The following SPTBN1 variants were observed in gnomAD, a reference collection of about 807,000 sequenced individuals.
SPTBN1 encodes the protein spectrin beta, non-erythrocytic 1, also known as spectrin beta chain, non-erythrocytic 1.
Under a neutral mutation model 266.4 loss-of-function variants are expected in SPTBN1, and 32 were observed. The ratio of observed to expected loss-of-function variants is 0.12; its 90% CI spans 0.09 to 0.16. The LOEUF (loss-of-function observed/expected upper bound fraction) is 0.16, where lower values mean the gene tolerates loss of function less well. SPTBN1 is among the 10% of genes least tolerant of loss of function. The pLI, the probability that SPTBN1 is intolerant of heterozygous loss-of-function variation, is 1.00. For synonymous variants in SPTBN1, 1,336 were observed against 1,162.2 expected, an observed-to-expected ratio of 1.15 and a Z score of -3.04; for missense variants, 2,296 against 3,067.1, an observed-to-expected ratio of 0.75 and a Z score of 5.94.
rs117785604 is a variant in SPTBN1, at chr2:54,471,055, C to T, written c.-48+14537C>T. 2.9e-3 allele frequency among the ~76,000 whole-genome samples: 444 copies of T among 152,256 alleles called. 23 individuals are homozygous for T. In the East Asian group the frequency reaches 0.081, roughly 28 times the overall value. ...GGCCCAGGGAAGCCAAAAGATTAGA[C>T]ACCCCTGCTTTAGAATGTACTCAAT... On this transcript the variant is annotated intron_variant, in intron 1 of 35. Coordinates refer to ENST00000356805, the MANE Select transcript of SPTBN1 (RefSeq NM_003128.3).
chr2:54,476,181 T>C (rs1466394506), intron 1 of SPTBN1, among the ~76,000 whole-genome samples: 1 of 152,110 alleles, frequency 6.6e-6, no homozygotes, highest in Admixed American at 6.6e-5. Context: ...GGTGGCAGGG[T>C]GCTCTGTGCC....
chr2:54,468,693 T>G (rs1693766804), intron 1 of SPTBN1, among the ~76,000 whole-genome samples: 1 of 152,244 alleles, frequency 6.6e-6, no homozygotes, highest in African/African-American at 2.4e-5. Context: ...GCTGTTTCTC[T>G]TTTATGAATA....
intron 1 of SPTBN1, among the ~76,000 whole-genome samples, chr2:54,515,331 C>T (rs753265581): frequency 7.2e-5 from 11 of 152,216 alleles, no homozygotes; most frequent in Non-Finnish European, 1.3e-4. Context: ...GTCTGCTGCA[C>T]AGCCAGCTCT....
chr2:54,526,210 A>G (rs1670805472), intron 1 of SPTBN1, among the ~76,000 whole-genome samples, 162 bp from the exon 2 acceptor site: 1 of 152,220 alleles, frequency 6.6e-6, no homozygotes, highest in South Asian at 2.1e-4. Flanking sequence ...AAGGTCACAC[A>G]TCTATTATGA....
At position 54,655,259 on chromosome 2, in the gene SPTBN1, G is replaced by T; in HGVS notation, c.5961+51G>T. 3 of 1,600,564 alleles carry T rather than the reference G, an allele frequency of 1.9e-6. No homozygotes were observed. In the South Asian group the frequency reaches 3.4e-5, roughly 18 times the overall value. On this transcript the variant is annotated intron_variant, in intron 28 of 35. Coordinates refer to ENST00000356805, the MANE Select transcript of SPTBN1 (RefSeq NM_003128.3). ...TGCAGCTGGCGTCAAGATGTAAAAT[G>T]ACTTTGTTTTATATGTTTGTGTGTG...
chr2:54,635,954 T>G (rs1679097656), intron 17 of SPTBN1, among the ~76,000 whole-genome samples: 1 of 152,234 alleles, frequency 6.6e-6, no homozygotes, highest in Non-Finnish European at 1.5e-5. Context: ...TTTTTTAAAT[T>G]TAATTTTGGT....
At position 54,629,306 on chromosome 2, in the gene SPTBN1, G is replaced by A; in HGVS notation, c.2172G>A (p.Glu724=). ...KIRERIIYIR[E]QWANLEQLSA... is the part of the protein sequence containing the mutation. ...GTGAGAGGATCATTTACATCCGGGA[G>A]CAGTGGGCCAACCTAGAGCAGCTCT... Residue 724 remains glutamate (E), a synonymous_variant, in exon 14 of 36, where the codon GAG becomes GAA. Transcript: ENST00000356805. 10 of 1,614,084 alleles carry A rather than the reference G, an allele frequency of 6.2e-6. No individual in the cohort carries two copies. The highest frequency in any genetic ancestry group is 8.5e-6 in the Non-Finnish European group (10 of 1,180,048).
At position 54,645,578 on chromosome 2, in the gene SPTBN1, C is replaced by G; in HGVS notation, c.4494+125C>G. 1.0e-6 allele frequency: 1 copy of G among 968,390 alleles called. No individual in the cohort carries two copies. Among genetic ancestry groups the G allele is most frequent in the East Asian group, 2.6e-5 (1 of 38,040 alleles). 60.0% of individuals were successfully genotyped at this position (968,390 alleles called of 1,614,324 possible). ...GTTGGCAAGCTGAGCTGCCAAAGTC[C>G]ACGCTCTGGATGGTCTAAAGTTTCT... On this transcript the variant is annotated intron_variant, in intron 21 of 35. Coordinates refer to ENST00000356805, the MANE Select transcript of SPTBN1 (RefSeq NM_003128.3). The surrounding 1 kb of genome is among the most constrained non-coding windows in gnomAD (Gnocchi z 4.3).
Position 54,653,051 on chromosome 2 carries a change from C to A in SPTBN1, c.5578-558C>A, listed in dbSNP as rs1483561329. On this transcript the variant is annotated intron_variant, in intron 26 of 35. Transcript: ENST00000356805. The surrounding 1 kb of genome is among the most constrained non-coding windows in gnomAD (Gnocchi z 5.1). ...GGTTTTTGTTGAAATTTGGCTATTT[C>A]AAGTTTCACCTTCTTTAACGTTAAT... is the stretch of plus-strand genomic sequence containing the variant. 6.6e-6 allele frequency: 1 copy of A among 152,210 alleles called. No individual in the cohort carries two copies. The highest frequency in any genetic ancestry group is 6.5e-5 in the Admixed American group (1 of 15,286). 9.4% of individuals were successfully genotyped at this position (152,210 alleles called of 1,614,324 possible). A position where few individuals can be genotyped will look rare whatever the true frequency, so the allele number is the denominator to read the frequency against.
At position 54,647,206 on chromosome 2, in the gene SPTBN1, G is replaced by A. The variant is rs757209902; in HGVS notation, c.4942G>A (p.Val1648Met). ...EQAVEDYAET[V>M]HQLSKTSRAL... The stretch of plus-strand genomic sequence containing the variant: ...AGCTGTGGAGGACTATGCAGAGACC[G>A]TGCATCAGCTCTCCAAGACCAGCCG... The change falls in exon 24 of 36, where the codon GTG becomes ATG. Residue 1648 changes from valine (V) to methionine (M), a missense_variant. This residue lies in a region of SPTBN1 where 644 missense variants were observed against 745.3 expected (regional missense o/e 0.86). Transcript: ENST00000356805. 5 of 1,614,142 alleles carry A rather than the reference G, an allele frequency of 3.1e-6. No individual in the cohort carries two copies. Among genetic ancestry groups the A allele is most frequent in the South Asian group, 2.2e-5 (2 of 91,082 alleles).
At chr2:54,570,993 G>A (rs545481940) in intron 2 of SPTBN1, among the ~76,000 whole-genome samples, 11 of 152,046 alleles carry the variant, frequency 7.2e-5, no homozygotes, top group African/African-American at 2.7e-4. Context: ...TGAGGGAGAC[G>A]TTTATTCCTA....
chr2:54,463,724 TAAAC>T (rs759873831), intron 1 of SPTBN1, among the ~76,000 whole-genome samples: 12 of 152,344 alleles, frequency 7.9e-5, no homozygotes, highest in Admixed American at 5.2e-4. Flanking sequence ...TTCTTTCAAA[TAAAC>T]AGTTTGATTT....
At chr2:54,520,979 A>G (rs1458121804) in intron 1 of SPTBN1, among the ~76,000 whole-genome samples, 1 of 152,142 alleles carries the variant, frequency 6.6e-6, no homozygotes, top group Non-Finnish European at 1.5e-5. Flanking sequence ...AAGATGGCCA[A>G]GCCTTCCTCC....
chr2:54,666,747 T>G (rs910308022), intron 34 of SPTBN1, among the ~76,000 whole-genome samples: 1 of 152,250 alleles, frequency 6.6e-6, no homozygotes, highest in African/African-American at 2.4e-5. Flanking sequence ...TGTTTACTGA[T>G]TTGTGCTGTT....
chr2:54,625,887 G>A (rs753662635), intron 11 of SPTBN1, 45 bp from the exon 12 acceptor site: 90 of 1,581,102 alleles, frequency 5.7e-5, no homozygotes, highest in Admixed American at 2.3e-4. Context: ...TACTGTGCCC[G>A]GGTGGATTTT....
chr2:54,615,355 T>C (rs1677528700), intron 4 of SPTBN1, among the ~76,000 whole-genome samples: 1 of 152,214 alleles, frequency 6.6e-6, no homozygotes, highest in Admixed American at 6.5e-5. Flanking sequence ...GATGGACTCC[T>C]GGCCAGCACC....
At chr2:54,523,092 A>T (rs1670585871) in intron 1 of SPTBN1, among the ~76,000 whole-genome samples, 1 of 152,222 alleles carries the variant, frequency 6.6e-6, no homozygotes, top group Non-Finnish European at 1.5e-5. Flanking sequence ...ATGAAAGTTA[A>T]CTATATTCAA....
intron 1 of SPTBN1, among the ~76,000 whole-genome samples, chr2:54,489,811 G>A (rs925077245): frequency 9.9e-5 from 15 of 152,216 alleles, no homozygotes; most frequent in South Asian, 2.1e-4. Context: ...AATTGGGAAT[G>A]TTTTGGAAAA....
chr2:54,635,607 AGTTACTTTCATTTCTGTTATTTCC>A (rs1331571275), intron 17 of SPTBN1, among the ~76,000 whole-genome samples: 15 of 152,188 alleles, frequency 9.9e-5, no homozygotes, highest in Non-Finnish European at 2.2e-4. Flanking sequence ...CAGTGTTTGA[AGTTACTTTCATTTCTGTTATTTCC>A]GTGAGAGGCG....
Sources: allele counts gnomAD v4.1 joint callset (sites outside exome capture counted in the v4.1 genomes callset), GRCh38; gene constraint gnomAD v4.1.1; regional missense constraint gnomAD v4.1.1; non-coding constraint Gnocchi (gnomAD v3.1); transcripts MANE v1.5; gene names NCBI Gene and HGNC (gene_info 2026-07-23, HGNC 2026-07-21).